Variants in TENM3 observed in about 807,000 individuals in gnomAD.
TENM3 encodes the protein teneurin-3.
TENM3 carries 63 observed loss-of-function variants against 255.1 expected under a neutral mutation model. That is an observed-to-expected ratio of 0.25 (90% CI 0.20 to 0.30). The LOEUF (loss-of-function observed/expected upper bound fraction) is 0.30, where lower values mean the gene tolerates loss of function less well. Among genes scored for constraint, TENM3 ranks in the 10% least tolerant of loss-of-function variants. The pLI is 1.00. For missense variants in TENM3, 2,929 were observed against 3,461.1 expected (o/e 0.85, Z 3.86); for synonymous variants, 1,306 against 1,322.3 (o/e 0.99, Z 0.27).
chr4:182,629,872 G>A (rs532805523), intron 5 of TENM3, among the ~76,000 whole-genome samples: 2 of 152,320 alleles, frequency 1.3e-5, no homozygotes, highest in South Asian at 4.1e-4. Flanking sequence ...TTTGGAAAGT[G>A]AAATAACCAT....
intron 3 of TENM3, among the ~76,000 whole-genome samples, chr4:182,584,767 G>A (rs2152370633): frequency 6.6e-6 from 1 of 152,026 alleles, no homozygotes; most frequent in Admixed American, 6.6e-5. Context: ...AGCCTCCCAA[G>A]CACCTGGGAT....
At chr4:181,457,468 C>A in the TENM3 span, among the ~76,000 whole-genome samples, 2 of 151,694 alleles carry the variant, frequency 1.3e-5, no homozygotes, top group African/African-American at 2.4e-5. Context: ...CTCGATTAAA[C>A]CCTGTCACTT....
chr4:182,240,883 C>T (rs535822979), upstream of TENM3, among the ~76,000 whole-genome samples: 2 of 152,330 alleles, frequency 1.3e-5, no homozygotes, highest in African/African-American at 4.8e-5. Context: ...GCTATGTCCC[C>T]TCAGATCTGG....
At chr4:182,287,676 C>T (rs1366033696) in intron 1 of TENM3, among the ~76,000 whole-genome samples, 2 of 151,970 alleles carry the variant, frequency 1.3e-5, no homozygotes, top group African/African-American at 4.8e-5. Context: ...TGCAGTGGCG[C>T]GATCTCGGCT....
At chr4:181,930,825 G>T in the TENM3 span, among the ~76,000 whole-genome samples, 3 of 152,238 alleles carry the variant, frequency 2.0e-5, no homozygotes, top group South Asian at 4.1e-4. Context: ...CCATGATCCC[G>T]TCAGCTTCAT....
intron 3 of TENM3, among the ~76,000 whole-genome samples, chr4:182,359,189 T>G (rs937700254): frequency 6.6e-6 from 1 of 152,170 alleles, no homozygotes; most frequent in Non-Finnish European, 1.5e-5. Context: ...TCTTTTTTGG[T>G]TGTGTCTCTG....
chr4:181,497,516 C>G, the TENM3 span, among the ~76,000 whole-genome samples: 1 of 152,140 alleles, frequency 6.6e-6, no homozygotes, highest in East Asian at 1.9e-4. Context: ...GCTGCAACCA[C>G]GTGTAATCGA....
At chr4:181,784,024 T>C in the TENM3 span, among the ~76,000 whole-genome samples, 1 of 152,330 alleles carries the variant, frequency 6.6e-6, no homozygotes, top group Admixed American at 6.5e-5. Flanking sequence ...TTACGTACTA[T>C]GTTTCAACAT....
At chr4:182,606,554 C>T (rs1362773432) in intron 4 of TENM3, among the ~76,000 whole-genome samples, 1 of 146,540 alleles carries the variant, frequency 6.8e-6, no homozygotes, top group Non-Finnish European at 1.5e-5. Context: ...AAAAAGGTAG[C>T]GTATATAAAA....
At chr4:181,523,722 G>C in the TENM3 span, among the ~76,000 whole-genome samples, 7 of 152,282 alleles carry the variant, frequency 4.6e-5, no homozygotes, top group African/African-American at 1.7e-4. Flanking sequence ...CTCTAACCAA[G>C]AGGAGAGTAT....
intron 13 of TENM3, among the ~76,000 whole-genome samples, chr4:182,724,395 C>T (rs1168978888): frequency 6.6e-6 from 1 of 152,202 alleles, no homozygotes; most frequent in Non-Finnish European, 1.5e-5. Context: ...AATGTTTTCT[C>T]AAGTTATAGG....
intron 1 of TENM3, among the ~76,000 whole-genome samples, chr4:182,234,943 A>T (rs1380017824): frequency 3.9e-5 from 6 of 152,142 alleles, no homozygotes; most frequent in African/African-American, 1.4e-4. Context: ...CCTGGGCTGC[A>T]TTTTAAAGGG....
the TENM3 span, among the ~76,000 whole-genome samples, chr4:182,016,372 C>A: frequency 6.6e-6 from 1 of 152,194 alleles, no homozygotes; most frequent in South Asian, 2.1e-4. Flanking sequence ...TTGCTTTCAT[C>A]TTCTTGTTAG....
At chr4:182,771,333 A>G (rs189066026) in intron 22 of TENM3, among the ~76,000 whole-genome samples, 3 of 152,306 alleles carry the variant, frequency 2.0e-5, no homozygotes, top group East Asian at 3.9e-4. Flanking sequence ...CAATCTATAT[A>G]AAGCTAGAGT....
chr4:181,732,339 T>C, the TENM3 span, among the ~76,000 whole-genome samples: 2 of 152,162 alleles, frequency 1.3e-5, no homozygotes, highest in African/African-American at 4.8e-5. Context: ...TTCAATACAT[T>C]CTAGAAACAT....
chr4:181,513,171 C>T, the TENM3 span, among the ~76,000 whole-genome samples: 2 of 151,918 alleles, frequency 1.3e-5, no homozygotes, highest in Non-Finnish European at 2.9e-5. Flanking sequence ...GTCATTTAGC[C>T]TATAGTTCTG....
intron 1 of TENM3, among the ~76,000 whole-genome samples, chr4:182,279,309 AAG>A (rs1337453616): frequency 3.3e-5 from 5 of 152,302 alleles, no homozygotes; most frequent in Admixed American, 6.5e-5. Flanking sequence ...TATATTAAGA[AAG>A]AGATATATTG....
At chr4:182,781,075 C>T (rs1175768013) in intron 24 of TENM3, among the ~76,000 whole-genome samples, 9 of 151,826 alleles carry the variant, frequency 5.9e-5, no homozygotes, top group Admixed American at 3.3e-4. Flanking sequence ...TTGCCCTGGC[C>T]AGAACTTCCA....
intron 3 of TENM3, among the ~76,000 whole-genome samples, chr4:182,473,862 G>A (rs535183968): frequency 3.1e-4 from 47 of 151,930 alleles, no homozygotes; most frequent in Non-Finnish European, 5.3e-4. Flanking sequence ...GGAGGCTGAG[G>A]CTGGAGGATA....
Sources: gnomAD v4.1 joint callset for allele counts (sites outside exome capture counted in the v4.1 genomes callset) on GRCh38, gnomAD v4.1.1 for gene constraint, MANE v1.5 for transcripts, NCBI Gene and HGNC (gene_info 2026-07-23, HGNC 2026-07-21) for gene names.